IL1RAPL2: variants seen among roughly 807,000 people sequenced by gnomAD.
The protein encoded by IL1RAPL2 is X-linked interleukin-1 receptor accessory protein-like 2.
In IL1RAPL2, 3 loss-of-function variants were observed where a neutral mutation model predicts 44.1. That is an observed-to-expected ratio of 0.07 (90% CI 0.03 to 0.18). The LOEUF (loss-of-function observed/expected upper bound fraction) is 0.18. IL1RAPL2 is among the 10% of genes least tolerant of loss of function. IL1RAPL2 has a pLI of 1.00. For missense variants in IL1RAPL2, 391 were observed against 496.4 expected, an observed-to-expected ratio of 0.79 and a Z score of 2.02; for synonymous variants, 181 against 178.8, an observed-to-expected ratio of 1.01 and a Z score of -0.10.
At chrX:105,232,803 C>T (rs1242799101) in intron 3 of IL1RAPL2, among the ~76,000 whole-genome samples, 1 of 112,096 alleles carries the variant, frequency 8.9e-6, no homozygotes, top group African/African-American at 3.2e-5. Context: ...AATAAATACC[C>T]TTCTGTAATG....
At chrX:104,768,519 C>A (rs773787599) in intron 2 of IL1RAPL2, among the ~76,000 whole-genome samples, 1 of 111,269 alleles carries the variant, frequency 9.0e-6, no homozygotes, top group South Asian at 3.8e-4. Context: ...TGTTTATATC[C>A]CTGGACATCT....
intron 6 of IL1RAPL2, among the ~76,000 whole-genome samples, chrX:105,644,619 T>A (rs779602347): frequency 1.4e-3 from 158 of 111,383 alleles, no homozygotes; most frequent in Non-Finnish European, 1.8e-3. Flanking sequence ...TTATTTTTTT[T>A]AATTATACTT....
chrX:105,027,790 A>G (rs1362105571), intron 2 of IL1RAPL2, among the ~76,000 whole-genome samples: 1 of 111,253 alleles, frequency 9.0e-6, no homozygotes, highest in African/African-American at 3.3e-5. Flanking sequence ...AAAACTAAAA[A>G]TTGAGCTACC....
chrX:104,612,092 T>C (rs1343216478), intron 1 of IL1RAPL2, among the ~76,000 whole-genome samples: 4 of 111,875 alleles, frequency 3.6e-5, no homozygotes, highest in Admixed American at 2.9e-4. Context: ...TATTGAACCT[T>C]CATTGGGTGT....
intron 1 of IL1RAPL2, among the ~76,000 whole-genome samples, chrX:104,577,924 G>A (rs902495642): frequency 1.8e-5 from 2 of 111,524 alleles, no homozygotes; most frequent in Non-Finnish European, 3.8e-5. Flanking sequence ...TGGAAAGGCG[G>A]GAGGCTAGAA....
chrX:105,651,121 T>C (rs1238413814), intron 6 of IL1RAPL2, among the ~76,000 whole-genome samples: 1 of 111,560 alleles, frequency 9.0e-6, no homozygotes, highest in African/African-American at 3.3e-5. Flanking sequence ...TTTCTTATTA[T>C]AAAGCTATCC....
chrX:105,486,104 A>G (rs143569958), intron 6 of IL1RAPL2, among the ~76,000 whole-genome samples: 1,453 of 111,753 alleles, frequency 0.013, 19 homozygotes, highest in African/African-American at 0.045. Flanking sequence ...CCTTTGCTCC[A>G]TATCCTCTCC....
chrX:104,981,582 T>C (rs1415370319), intron 2 of IL1RAPL2, among the ~76,000 whole-genome samples: 3 of 110,936 alleles, frequency 2.7e-5, no homozygotes, highest in Non-Finnish European at 5.7e-5. Context: ...TCCTCTTGCC[T>C]GATTTATCTG....
chrX:105,318,949 G>A (rs2034875628), intron 5 of IL1RAPL2, among the ~76,000 whole-genome samples: 1 of 112,280 alleles, frequency 8.9e-6, no homozygotes, highest in Non-Finnish European at 1.9e-5. Context: ...GGATTTTCAT[G>A]CCCACTGGCA....
chrX:105,043,500 C>G (rs1370008228), intron 2 of IL1RAPL2, among the ~76,000 whole-genome samples: 1 of 108,982 alleles, frequency 9.2e-6, no homozygotes, highest in Non-Finnish European at 1.9e-5. Flanking sequence ...GTTTCACTAC[C>G]TTCTTATGGC....
chrX:104,579,560 C>T (rs1240432389), intron 1 of IL1RAPL2, among the ~76,000 whole-genome samples: 1 of 111,478 alleles, frequency 9.0e-6, no homozygotes, highest in Non-Finnish European at 1.9e-5. Flanking sequence ...ACAACGAGAA[C>T]ACATGGACAC....
intron 4 of IL1RAPL2, among the ~76,000 whole-genome samples, chrX:105,237,006 G>C (rs1324084789): frequency 9.1e-6 from 1 of 110,184 alleles, no homozygotes; most frequent in Non-Finnish European, 1.9e-5. Context: ...TCCCCCCACC[G>C]CACAGCAGGA....
chrX:104,623,346 G>A (rs972856457), intron 1 of IL1RAPL2, among the ~76,000 whole-genome samples: 3 of 110,835 alleles, frequency 2.7e-5, no homozygotes, highest in Non-Finnish European at 5.6e-5. Flanking sequence ...TTCTGGAGTA[G>A]CTCCAAACAC....
At chrX:105,167,467 TG>T (rs2033380284) in intron 2 of IL1RAPL2, among the ~76,000 whole-genome samples, 1 of 112,185 alleles carries the variant, frequency 8.9e-6, no homozygotes, top group African/African-American at 3.2e-5. Context: ...TTGTAGCTAA[TG>T]ATGGCAAAGC....
intron 2 of IL1RAPL2, among the ~76,000 whole-genome samples, chrX:105,151,793 A>T (rs1485117113): frequency 1.8e-5 from 2 of 110,938 alleles, no homozygotes; most frequent in Non-Finnish European, 3.8e-5. Context: ...ATATATATAT[A>T]TATGTGCTGG....
chrX:105,097,656 A>G (rs1473710254), intron 2 of IL1RAPL2, among the ~76,000 whole-genome samples: 1 of 111,760 alleles, frequency 8.9e-6, no homozygotes, highest in African/African-American at 3.3e-5. Flanking sequence ...TTAAAGTTTA[A>G]AAGTTTGACA....
chrX:105,527,579 A>G (rs1217622917), intron 6 of IL1RAPL2, among the ~76,000 whole-genome samples: 1 of 110,696 alleles, frequency 9.0e-6, no homozygotes, highest in Non-Finnish European at 1.9e-5. Context: ...GAAATCAATA[A>G]TTGAGTCTTG....
intron 2 of IL1RAPL2, among the ~76,000 whole-genome samples, chrX:104,857,971 C>T (rs1405708245): frequency 3.6e-5 from 4 of 110,878 alleles, no homozygotes; most frequent in Non-Finnish European, 7.6e-5. Context: ...TTTAGAATAC[C>T]CTCACCTTGA....
At chrX:104,731,119 C>A (rs1931907934) in intron 2 of IL1RAPL2, among the ~76,000 whole-genome samples, 1 of 111,120 alleles carries the variant, frequency 9.0e-6, no homozygotes, top group African/African-American at 3.3e-5. Context: ...TAGATATTAG[C>A]CCTTTGTCAG....
Sources: gnomAD v4.1 joint callset for allele counts (sites outside exome capture counted in the v4.1 genomes callset) on GRCh38, gnomAD v4.1.1 for gene constraint, MANE v1.5 for transcripts, NCBI Gene and HGNC (gene_info 2026-07-23, HGNC 2026-07-21) for gene names.